The following OR9Q1 variants were observed in gnomAD, a reference collection of about 807,000 sequenced individuals.
OR9Q1 encodes the protein olfactory receptor 9Q1.
For synonymous variants in OR9Q1, 153 were observed against 148.6 expected, an observed-to-expected ratio of 1.03 and a Z score of -0.22; for missense variants, 374 against 378.8, an observed-to-expected ratio of 0.99 and a Z score of 0.11.
intron 2 of OR9Q1, among the ~76,000 whole-genome samples, chr11:58,098,208 C>G (rs925140308): frequency 6.6e-6 from 1 of 152,104 alleles, no homozygotes; most frequent in African/African-American, 2.4e-5. Flanking sequence ...TTTATCCCGT[C>G]GTGGGGATGG....
chr11:58,103,342 C>T (rs1853808491), intron 2 of OR9Q1, among the ~76,000 whole-genome samples: 1 of 152,102 alleles, frequency 6.6e-6, no homozygotes, highest in South Asian at 2.1e-4. Context: ...CTGGGTCCCT[C>T]CCACAACATG....
intron 2 of OR9Q1, chr11:58,109,635 C>T (rs1853880123): frequency 2.2e-6 from 1 of 456,250 alleles, no homozygotes; most frequent in East Asian, 6.9e-5. Flanking sequence ...TGAACTCTGT[C>T]ACAGTGCTGA....
chr11:58,094,398 A>C (rs1853712096), intron 2 of OR9Q1, among the ~76,000 whole-genome samples: 1 of 152,206 alleles, frequency 6.6e-6, no homozygotes, highest in Non-Finnish European at 1.5e-5. Flanking sequence ...CAATCTATCC[A>C]CATAATGAAA....
At chr11:58,122,072 G>A (rs1309669887) in intron 2 of OR9Q1, among the ~76,000 whole-genome samples, 1 of 152,132 alleles carries the variant, frequency 6.6e-6, no homozygotes, top group African/African-American at 2.4e-5. Context: ...GACCTGCCAG[G>A]AAGAGGTTTT....
chr11:58,106,631 T>G (rs1390346012), intron 2 of OR9Q1, among the ~76,000 whole-genome samples: 1 of 152,184 alleles, frequency 6.6e-6, no homozygotes, highest in Non-Finnish European at 1.5e-5. Context: ...GTTTCAGGTC[T>G]TACATTTAAG....
At chr11:58,157,250 C>T (rs1318676031) in intron 2 of OR9Q1, among the ~76,000 whole-genome samples, 1 of 152,158 alleles carries the variant, frequency 6.6e-6, no homozygotes, top group Admixed American at 6.6e-5. Context: ...CAGGGTCGCT[C>T]CTACTGACAT....
chr11:58,048,422 A>G (rs1044327506), intron 1 of OR9Q1, among the ~76,000 whole-genome samples: 1 of 151,190 alleles, frequency 6.6e-6, no homozygotes, highest in African/African-American at 2.4e-5. Context: ...TAATCCCAGC[A>G]CTTTAGCAGG....
At position 58,179,984 on chromosome 11, in the gene OR9Q1, C is replaced by G; in HGVS notation, c.540C>G (p.Asp180Glu). The change falls in exon 3 of 3, where the codon GAC becomes GAG. Residue 180 changes from aspartate (D) to glutamate (E), a missense_variant. Physicochemically the swap from Asp to Glu is conservative, Grantham distance 45. Coordinates refer to ENST00000335397, the MANE Select transcript of OR9Q1 (RefSeq NM_001005212.4). ...GTSEIDFIFCDLPPLLKLTCG... is the reference protein window; with the variant it reads ...GTSEIDFIFCELPPLLKLTCG... ...GTGAGATTGACTTTATTTTCTGTGA[C>G]CTCCCTCCTCTGTTAAAGTTGACCT... The G allele has an allele frequency of 6.2e-7, 1 of 1,614,154 alleles. No individual in the cohort carries two copies. Among genetic ancestry groups the G allele is most frequent in the Non-Finnish European group, 8.5e-7 (1 of 1,180,022 alleles).
At chr11:58,119,510 C>G (rs909454626) in intron 2 of OR9Q1, 98 of 1,082,400 alleles carry the variant, frequency 9.1e-5, no homozygotes, top group Non-Finnish European at 1.3e-4. Flanking sequence ...AATTGAAGGA[C>G]AGAATCTTTC....
chr11:58,071,407 G>A (rs1853486513), intron 2 of OR9Q1, among the ~76,000 whole-genome samples: 1 of 152,050 alleles, frequency 6.6e-6, no homozygotes, highest in Non-Finnish European at 1.5e-5. Context: ...AGAATTGCTT[G>A]AATCTGGGAG....
rs755889667 is a variant in OR9Q1 at position 58,179,646 on chromosome 11, T to G, written c.202T>G (p.Phe68Val). ...PMYFLLSHLA[F>V]MDVCYSSITV... The stretch of plus-strand genomic sequence containing the variant: ...GTATTTCCTTCTGAGTCACCTCGCT[T>G]TCATGGACGTCTGCTACTCATCTAT... The change falls in exon 3 of 3, where the codon TTC becomes GTC. Residue 68 changes from phenylalanine to valine, a missense_variant. By Grantham distance (50) the Phe-to-Val change is conservative. Transcript: ENST00000335397. 6.2e-7 allele frequency: 1 copy of G among 1,613,312 alleles called. No homozygotes were observed. The highest frequency in any genetic ancestry group is 2.2e-5 in the East Asian group (1 of 44,864).
At chr11:58,139,428 C>T (rs903751067) in intron 2 of OR9Q1, among the ~76,000 whole-genome samples, 19 of 151,936 alleles carry the variant, frequency 1.3e-4, no homozygotes, top group African/African-American at 3.6e-4. Context: ...TGCTATCCCT[C>T]CCCGCTCCCC....
intron 1 of OR9Q1, among the ~76,000 whole-genome samples, chr11:58,037,683 ATATAT>A (rs1478634305): frequency 2.0e-3 from 18 of 8,956 alleles, no homozygotes; most frequent in South Asian, 7.7e-3. Context: ...ATATATATAT[ATATAT>A]ATTTTTTTTT....
At chr11:58,036,028 C>T (rs959333137) in intron 1 of OR9Q1, among the ~76,000 whole-genome samples, 2 of 150,594 alleles carry the variant, frequency 1.3e-5, no homozygotes, top group Admixed American at 6.6e-5. Flanking sequence ...AGCATGTGCT[C>T]ACTTTGCTTC....
At chr11:58,088,555 C>G (rs1368404097) in intron 2 of OR9Q1, among the ~76,000 whole-genome samples, 1 of 151,940 alleles carries the variant, frequency 6.6e-6, no homozygotes, top group Non-Finnish European at 1.5e-5. Context: ...TTTTGATTTG[C>G]ATTTCTCCAA....
At chr11:58,167,560 A>C (rs944881911) in intron 2 of OR9Q1, among the ~76,000 whole-genome samples, 2 of 152,158 alleles carry the variant, frequency 1.3e-5, no homozygotes, top group Non-Finnish European at 2.9e-5. Flanking sequence ...TTATTGCTTA[A>C]TTTTTAGTTG....
intron 2 of OR9Q1, among the ~76,000 whole-genome samples, chr11:58,079,591 G>T (rs1463818328): frequency 2.6e-5 from 4 of 152,132 alleles, no homozygotes; most frequent in African/African-American, 9.7e-5. Flanking sequence ...GAGTGTGGTG[G>T]AAGTGATGTC....
rs773218353 is a variant in OR9Q1, at chr11:58,179,594, C to T, written c.150C>T (p.Leu50=). The change falls in exon 3 of 3, where the codon CTC becomes CTT. Residue 50 remains leucine, a synonymous_variant. Coordinates refer to ENST00000335397, the MANE Select transcript of OR9Q1 (RefSeq NM_001005212.4). ...ACTTAGAGATGATTATTCTGATCCT[C>T]ATGGATCACCAGCTCCACGCTCCAA... is the stretch of plus-strand genomic sequence containing the variant. ...LGNLEMIILI[L]MDHQLHAPMY... 1.2e-6 allele frequency: 2 copies of T among 1,613,504 alleles called. No homozygotes were observed. Among genetic ancestry groups the T allele is most frequent in the South Asian group, 1.1e-5 (1 of 91,000 alleles).
At chr11:58,123,748 G>C (rs890807262) in intron 2 of OR9Q1, among the ~76,000 whole-genome samples, 1 of 152,136 alleles carries the variant, frequency 6.6e-6, no homozygotes, top group Non-Finnish European at 1.5e-5. Flanking sequence ...GCATGAGAAA[G>C]ACCCTTTATG....
Sources: allele counts gnomAD v4.1 joint callset (sites outside exome capture counted in the v4.1 genomes callset), GRCh38; gene constraint gnomAD v4.1.1; transcripts MANE v1.5; gene names NCBI Gene and HGNC (gene_info 2026-07-23, HGNC 2026-07-21).